Variants in MYH15 observed in about 807,000 individuals in gnomAD.
MYH15 encodes the protein myosin-15.
A neutral mutation model predicts 240.5 loss-of-function variants in MYH15; 227 were observed. The ratio of observed to expected loss-of-function variants is 0.94; its 90% CI spans 0.85 to 1.05. MYH15 has a LOEUF of 1.05. Among genes scored for constraint, MYH15 ranks in the 50% least tolerant of loss-of-function variants. The pLI is 0.00. For missense variants in MYH15, 2,217 were observed against 2,247.5 expected, an observed-to-expected ratio of 0.99 and a Z score of 0.27; for synonymous variants, 785 against 796.7, an observed-to-expected ratio of 0.99 and a Z score of 0.25.
At chr3:108,520,629 T>A (rs902258406) in intron 1 of MYH15, among the ~76,000 whole-genome samples, 9 of 152,122 alleles carry the variant, frequency 5.9e-5, no homozygotes, top group African/African-American at 2.2e-4. Context: ...GCAGACTAAT[T>A]TAACTCATTC....
chr3:108,500,837 A>C (rs1185206577), intron 3 of MYH15, among the ~76,000 whole-genome samples: 1 of 152,206 alleles, frequency 6.6e-6, no homozygotes, highest in Non-Finnish European at 1.5e-5. Flanking sequence ...GAATCCAATA[A>C]CTTGTGTTCT....
chr3:108,501,707 C>T lies in MYH15; in HGVS notation c.339+5G>A. On this transcript the variant is annotated splice_donor_5th_base_variant and intron_variant, in intron 3 of 40. Transcript: ENST00000693548. ...GACAGTTTAGCAGGAAAGCATATTA[C>T]ACACATAGATCATCCACTGGCCATA... 1.2e-6 allele frequency: 2 copies of T among 1,613,956 alleles called. No homozygotes were observed. The highest frequency in any genetic ancestry group is 1.7e-6 in the Non-Finnish European group (2 of 1,179,884).
chr3:108,505,885 A>G, intron 1 of MYH15, 56 bp from the exon 2 acceptor site: 1 of 1,154,412 alleles, frequency 8.7e-7, no homozygotes, highest in Admixed American at 1.9e-5. Flanking sequence ...ACAGAAATAC[A>G]TACTGGACAC....
chr3:108,396,271 G>A (rs967857396), intron 35 of MYH15, among the ~76,000 whole-genome samples: 3 of 152,174 alleles, frequency 2.0e-5, no homozygotes, highest in African/African-American at 7.2e-5. Context: ...CAGCAATTAA[G>A]TACTATAGAC....
At chr3:108,540,970 T>C in the MYH15 span, among the ~76,000 whole-genome samples, 2 of 152,046 alleles carry the variant, frequency 1.3e-5, no homozygotes, top group Middle Eastern at 3.5e-3. Context: ...TAATGAACAA[T>C]GACAAAAAGC....
At chr3:108,457,754 G>T (rs2083035635) in intron 18 of MYH15, among the ~76,000 whole-genome samples, 1 of 152,192 alleles carries the variant, frequency 6.6e-6, no homozygotes, top group African/African-American at 2.4e-5. Context: ...GCACAAGTAG[G>T]CTGGCACAGC....
At chr3:108,511,197 G>A (rs1358644891), upstream of MYH15, among the ~76,000 whole-genome samples, 1 of 152,082 alleles carries the variant, frequency 6.6e-6, no homozygotes, top group Non-Finnish European at 1.5e-5. Flanking sequence ...ACAAAGAGAA[G>A]TGATTCAGAT....
intron 11 of MYH15, among the ~76,000 whole-genome samples, chr3:108,480,222 T>G (rs933978811): frequency 6.6e-6 from 1 of 152,180 alleles, no homozygotes; most frequent in African/African-American, 2.4e-5. Context: ...ACATTCAATC[T>G]GAGCCTTGAA....
chr3:108,470,944 A>T, intron 12 of MYH15, 97 bp from the exon 13 acceptor site: 1 of 1,251,540 alleles, frequency 8.0e-7, no homozygotes, highest in Non-Finnish European at 1.1e-6. Context: ...TCAAATTAGG[A>T]TGTCTTTATT....
chr3:108,384,098 C>G lies in MYH15; in HGVS notation c.5632-369G>C, dbSNP rs112255295. On this transcript the variant is annotated intron_variant, in intron 39 of 40. Coordinates refer to ENST00000693548, the MANE Select transcript of MYH15 (RefSeq NM_014981.3). ...GGCTTGTCTTTAAAATTATATGGGT[C>G]AACAGGTAATTATTAGACCTTGGGC... Among the ~76,000 whole-genome samples the G allele has an allele frequency of 2.5e-3, 384 of 152,150 alleles. 3 individuals carry two copies. Among genetic ancestry groups the G allele is most frequent in the African/African-American group, 8.2e-3 (342 of 41,510 alleles).
upstream of MYH15, among the ~76,000 whole-genome samples, chr3:108,530,177 T>C (rs1038944557): frequency 6.6e-6 from 1 of 152,208 alleles, no homozygotes; most frequent in Non-Finnish European, 1.5e-5. Context: ...CTCTTGTCCT[T>C]TCTAGCAAAA....
rs1182002570 is a variant in MYH15, at chr3:108,394,014, G to A, written c.5259+17C>T. The A allele has an allele frequency of 5.6e-6, 9 of 1,613,150 alleles. No homozygotes were observed. The highest frequency in any genetic ancestry group is 5.1e-6 in the Non-Finnish European group (6 of 1,179,892). ...AACTCTGGGAGACAGGATTGAGTAC[G>A]TGGTCAAGGGACCCACCTCAATGGC... On this transcript the variant is annotated intron_variant, in intron 36 of 40. Coordinates refer to ENST00000693548, the MANE Select transcript of MYH15 (RefSeq NM_014981.3).
intron 32 of MYH15, among the ~76,000 whole-genome samples, chr3:108,405,981 G>A (rs2082543730): frequency 1.3e-5 from 2 of 151,834 alleles, no homozygotes; most frequent in Non-Finnish European, 2.9e-5. Flanking sequence ...TACCTGACAT[G>A]TAACACTCAG....
chr3:108,453,132 G>A (rs1420833321), intron 21 of MYH15, among the ~76,000 whole-genome samples: 1 of 152,132 alleles, frequency 6.6e-6, no homozygotes, highest in Non-Finnish European at 1.5e-5. Flanking sequence ...CATGAAGAAA[G>A]TAAACTATGG....
At chr3:108,407,811 C>T (rs1463309894) in intron 32 of MYH15, among the ~76,000 whole-genome samples, 6 of 152,182 alleles carry the variant, frequency 3.9e-5, no homozygotes, top group Admixed American at 2.6e-4. Context: ...TACTACATGC[C>T]AGGCAATGTT....
intron 27 of MYH15, among the ~76,000 whole-genome samples, chr3:108,426,048 G>T (rs1039147915): frequency 1.3e-5 from 2 of 152,266 alleles, no homozygotes; most frequent in East Asian, 3.9e-4. Context: ...AATCCTTAAA[G>T]AAAGTGTTCA....
At chr3:108,476,244 A>G (rs1208861693) in intron 12 of MYH15, among the ~76,000 whole-genome samples, 153 bp downstream of exon 12, 1 of 152,204 alleles carries the variant, frequency 6.6e-6, no homozygotes, top group Admixed American at 6.6e-5. Context: ...AAGTAAAAAC[A>G]TTTGGAATAG....
chr3:108,431,063 T>C, intron 25 of MYH15, 141 bp from the exon 26 acceptor site: 1 of 620,740 alleles, frequency 1.6e-6, no homozygotes, highest in Non-Finnish European at 2.8e-6. Context: ...ATTTACTCAT[T>C]GTACATTGTA....
At chr3:108,459,121 T>C (rs888318002) in intron 18 of MYH15, among the ~76,000 whole-genome samples, 1 of 152,212 alleles carries the variant, frequency 6.6e-6, no homozygotes, top group Non-Finnish European at 1.5e-5. Flanking sequence ...ATTTAAATAG[T>C]AATATCAAAC....
Sources: allele counts gnomAD v4.1 joint callset (sites outside exome capture counted in the v4.1 genomes callset), GRCh38; gene constraint gnomAD v4.1.1; transcripts MANE v1.5; gene names NCBI Gene and HGNC (gene_info 2026-07-23, HGNC 2026-07-21).